Variants in CELSR1 observed in about 807,000 individuals in gnomAD.
The protein encoded by CELSR1 is adhesion G protein-coupled receptor C1.
Under a neutral mutation model 249.1 loss-of-function variants are expected in CELSR1, and 110 were observed. The observed-to-expected ratio is 0.44, with a 90% CI of 0.38 to 0.52. The LOEUF is 0.52. Ranked by LOEUF, CELSR1 falls within the 20% of genes least tolerant of loss-of-function variation. The probability of loss-of-function intolerance (pLI) is 0.00; values close to 1 mark genes in which losing one functional copy is unlikely to be tolerated. For synonymous variants in CELSR1, 2,113 were observed against 1,900.0 expected (o/e 1.11, Z -2.92); for missense variants, 4,109 against 4,296.4 (o/e 0.96, Z 1.22).
intron 5 of CELSR1, among the ~76,000 whole-genome samples, chr22:46,432,677 T>C (rs2079609195): frequency 6.6e-6 from 1 of 152,210 alleles, no homozygotes; most frequent in African/African-American, 2.4e-5. Flanking sequence ...GGCACTTCCT[T>C]GAAGAGTGTT....
intron 1 of CELSR1, among the ~76,000 whole-genome samples, chr22:46,476,115 A>G (rs1168946962): frequency 6.6e-6 from 1 of 152,146 alleles, no homozygotes; most frequent in Non-Finnish European, 1.5e-5. Flanking sequence ...GAATTAACAC[A>G]TGACCCAGAA....
At chr22:46,459,135 G>C (rs2079991123) in intron 2 of CELSR1, among the ~76,000 whole-genome samples, 2 of 152,108 alleles carry the variant, frequency 1.3e-5, no homozygotes, top group East Asian at 3.9e-4. Flanking sequence ...TGATCCACGT[G>C]CCTCGGCCTC....
rs745407768 is a variant in CELSR1 at position 46,439,365 on chromosome 22, C to A, written c.4230G>T (p.Gly1410=). 15 of 1,613,846 alleles carry A rather than the reference C, an allele frequency of 9.3e-6. No individual in the cohort carries two copies. The African/African-American group carries it at 1.9e-4, about 20-fold the overall frequency. ...VDARSGRCAN[G]VCKNGGTCVN... ...CGCAGGTGCCCCCGTTCTTGCACACCCCGTTGGCACAGCGGCCTGAGCGGG... is the reference window on the plus strand; with the variant it reads ...CGCAGGTGCCCCCGTTCTTGCACACACCGTTGGCACAGCGGCCTGAGCGGG... The change falls in exon 3 of 35, where the codon GGG becomes GGT. Residue 1410 remains glycine, a synonymous_variant. Coordinates refer to ENST00000674500, the MANE Select transcript of CELSR1 (RefSeq NM_001378328.1).
At chr22:46,504,026 T>C (rs1224502212) in intron 1 of CELSR1, among the ~76,000 whole-genome samples, 3 of 152,114 alleles carry the variant, frequency 2.0e-5, no homozygotes, top group South Asian at 2.1e-4. Flanking sequence ...AGCAAGACCT[T>C]GTCTCAAGAA....
At position 46,402,533 on chromosome 22, in the gene CELSR1, A is replaced by G. The variant is rs529287803; in HGVS notation, c.5227-2631T>C. Among the ~76,000 whole-genome samples the G allele has an allele frequency of 3.7e-4, 56 of 152,290 alleles. No homozygotes were observed. Among genetic ancestry groups the G allele is most frequent in the African/African-American group, 8.7e-4 (36 of 41,568 alleles). The stretch of plus-strand genomic sequence containing the variant: ...CACCTGGCCCCCATTCTAGTTTCAA[A>G]TGCTCTCTAGTTTTTCAATAAAATG... On this transcript the variant is annotated intron_variant, in intron 9 of 34. Transcript: ENST00000674500. This position sits in a 1 kb window ranked among gnomAD's most constrained non-coding sequence, Gnocchi z 5.0.
Position 46,393,281 on chromosome 22 carries a change from A to C in CELSR1, c.5964+861T>G, listed in dbSNP as rs1181110972. 6.6e-6 allele frequency among the ~76,000 whole-genome samples: 1 copy of C among 152,194 alleles called. No homozygotes were observed. The highest frequency in any genetic ancestry group is 2.4e-5 in the African/African-American group (1 of 41,464). ...GAGAGGGCTGGGGAGGGGTCCCTAG[A>C]GTCTGCACTGAGAACGCGTGTGCAT... On this transcript the variant is annotated intron_variant, in intron 14 of 34. Transcript: ENST00000674500. This position sits in a 1 kb window ranked among gnomAD's most constrained non-coding sequence, Gnocchi z 4.1.
chr22:46,513,513 A>G (rs2080594551), intron 1 of CELSR1, among the ~76,000 whole-genome samples: 1 of 151,338 alleles, frequency 6.6e-6, no homozygotes, highest in African/African-American at 2.4e-5. Context: ...CAATATTCTC[A>G]ACCATAAAAT....
intron 1 of CELSR1, among the ~76,000 whole-genome samples, chr22:46,482,734 T>C (rs2080278542): frequency 6.6e-6 from 1 of 152,026 alleles, no homozygotes; most frequent in Admixed American, 6.6e-5. Flanking sequence ...GAAAATTATC[T>C]ACAGGGTCCT....
intron 25 of CELSR1, among the ~76,000 whole-genome samples, chr22:46,370,413 C>A (rs2078839267): frequency 6.6e-6 from 1 of 151,892 alleles, no homozygotes; most frequent in South Asian, 2.1e-4. Flanking sequence ...ACCATACACA[C>A]GTGCACACCA....
At position 46,506,322 on chromosome 22, in the gene CELSR1, C is replaced by A. The variant is rs994418118; in HGVS notation, c.3544+27305G>T. ...CTCCACCGTGCCTGGCCTGGGGGAG[C>A]AGCAGAGCCCCGCAGGCCCTGTTGG... On this transcript the variant is annotated intron_variant, in intron 1 of 34. Coordinates refer to ENST00000674500, the MANE Select transcript of CELSR1 (RefSeq NM_001378328.1). The surrounding 1 kb of genome is among the most constrained non-coding windows in gnomAD (Gnocchi z 4.1). 3.9e-5 allele frequency among the ~76,000 whole-genome samples: 6 copies of A among 152,204 alleles called. No individual in the cohort carries two copies. Among genetic ancestry groups the A allele is most frequent in the African/African-American group, 1.4e-4 (6 of 41,438 alleles).
rs558915301 is a variant in CELSR1 at position 46,413,105 on chromosome 22, T to C, written c.4612-1346A>G. 7.2e-5 allele frequency among the ~76,000 whole-genome samples: 11 copies of C among 152,372 alleles called. No individual in the cohort carries two copies. Among genetic ancestry groups the C allele is most frequent in the Admixed American group, 6.5e-4 (10 of 15,306 alleles). On this transcript the variant is annotated intron_variant, in intron 5 of 34. Coordinates refer to ENST00000674500, the MANE Select transcript of CELSR1 (RefSeq NM_001378328.1). The surrounding 1 kb of genome is among the most constrained non-coding windows in gnomAD (Gnocchi z 4.7). ...CATGATACAATCTCATGCTTCTTTA[T>C]AAAACGTGGAAATAGATCGTTGTAA... is the stretch of plus-strand genomic sequence containing the variant.
chr22:46,373,131 G>C lies in CELSR1; in HGVS notation c.7585-74C>G, dbSNP rs1265229568. 1.9e-5 allele frequency: 27 copies of C among 1,442,576 alleles called. 1 individual carries two copies. The highest frequency in any genetic ancestry group is 2.5e-5 in the Non-Finnish European group (27 of 1,079,552). 89.4% of individuals were successfully genotyped at this position (1,442,576 alleles called of 1,614,324 possible). A position where few individuals can be genotyped will look rare whatever the true frequency, so the allele number is the denominator to read the frequency against. Reference sequence around the variant, plus strand: ...GGTCAGACAGGCATGAGTGAGGGGTGGGGGATGGGAGAGCTCACAATTCGG... The same window carrying C: ...GGTCAGACAGGCATGAGTGAGGGGTCGGGGATGGGAGAGCTCACAATTCGG... On this transcript the variant is annotated intron_variant, in intron 24 of 34. Coordinates refer to ENST00000674500, the MANE Select transcript of CELSR1 (RefSeq NM_001378328.1).
At position 46,534,657 on chromosome 22, in the gene CELSR1, G is replaced by T. The variant is rs773565245; in HGVS notation, c.2514C>A (p.Asp838Glu). 4.0e-5 allele frequency: 65 copies of T among 1,613,746 alleles called. No homozygotes were observed. Residue 838 changes from aspartate (D) to glutamate (E), a missense_variant, in exon 1 of 35, where the codon GAC (aspartate) becomes GAA (glutamate). Asp to Glu is a conservative substitution (Grantham distance 45). Around this residue, in one of 7 missense-constraint regions of CELSR1, gnomAD observed 886 missense variants for 896.5 expected, o/e 0.99. Transcript: ENST00000674500. The surrounding 1 kb of genome is among the most constrained non-coding windows in gnomAD (Gnocchi z 9.7). ...IQDPVPQFRI[D>E]PDSGTMYTMM... ...TGGTGTACATGGTGCCACTGTCGGG[G>T]TCAATGCGGAACTGCGGCACGGGGT...
chr22:46,394,998 C>T (rs1035507563), intron 13 of CELSR1, among the ~76,000 whole-genome samples: 4 of 152,210 alleles, frequency 2.6e-5, no homozygotes, highest in African/African-American at 9.6e-5. Flanking sequence ...AACGGCCCCG[C>T]CCGAGTGTCC....
rs369984014 is a variant in CELSR1, at chr22:46,389,535, C to G, written c.6346-36G>C. The G allele has an allele frequency of 2.1e-4, 334 of 1,604,486 alleles. No homozygotes were observed. The African/African-American group carries it at 4.1e-3, about 20-fold the overall frequency. ...GAGGCAGTCGTGATGTGTGCAAACC[C>G]ACTTCGGCCGCTTTCAGTCCCTGCT... On this transcript the variant is annotated intron_variant, in intron 17 of 34. Transcript: ENST00000674500.
At position 46,464,897 on chromosome 22, in the gene CELSR1, C is replaced by T. The variant is rs956721404; in HGVS notation, c.3545-552G>A. ...CCTGCCCAGGCGACATCCCCACCGA[C>T]GTGCTGTGCTGAGGGTCCCACTTAG... On this transcript the variant is annotated intron_variant, in intron 1 of 34. Transcript: ENST00000674500. The surrounding 1 kb of genome is among the most constrained non-coding windows in gnomAD (Gnocchi z 8.5). 3.9e-5 allele frequency among the ~76,000 whole-genome samples: 6 copies of T among 152,312 alleles called. No homozygotes were observed. The highest frequency in any genetic ancestry group is 2.1e-4 in the South Asian group (1 of 4,828).
At chr22:46,461,022 T>G (rs1032111653) in intron 2 of CELSR1, among the ~76,000 whole-genome samples, 1 of 152,130 alleles carries the variant, frequency 6.6e-6, no homozygotes, top group African/African-American at 2.4e-5. Flanking sequence ...ATTCCAACCT[T>G]GCAACCGTGA....
rs1486159358 is a variant in CELSR1 at position 46,391,011 on chromosome 22, C to G, written c.6250+175G>C. Among the ~76,000 whole-genome samples, 1 of 152,236 alleles carries G rather than the reference C, an allele frequency of 6.6e-6. No homozygotes were observed. The highest frequency in any genetic ancestry group is 1.5e-5 in the Non-Finnish European group (1 of 68,042). On this transcript the variant is annotated intron_variant, in intron 16 of 34. Coordinates refer to ENST00000674500, the MANE Select transcript of CELSR1 (RefSeq NM_001378328.1). This position sits in a 1 kb window ranked among gnomAD's most constrained non-coding sequence, Gnocchi z 4.3. ...TGCACTGTTCATGTTTCTGTTGCGC[C>G]CTCTGCCTGCTTTGTGTATTTCCTG...
At chr22:46,524,365 G>A (rs931349637) in intron 1 of CELSR1, among the ~76,000 whole-genome samples, 3 of 152,200 alleles carry the variant, frequency 2.0e-5, no homozygotes, top group African/African-American at 7.2e-5. Flanking sequence ...CCTGCCCCCT[G>A]TGCTTGGGAC....
Sources: gnomAD v4.1 joint callset for allele counts (sites outside exome capture counted in the v4.1 genomes callset) on GRCh38, gnomAD v4.1.1 for gene constraint, gnomAD v4.1.1 regional missense constraint, Gnocchi (gnomAD v3.1) non-coding constraint, MANE v1.5 for transcripts, NCBI Gene and HGNC (gene_info 2026-07-23, HGNC 2026-07-21) for gene names.